The following QRFP variants were observed in gnomAD, a reference collection of about 807,000 sequenced individuals.
The protein encoded by QRFP is pyroglutamylated RFamide peptide.
In QRFP, 7 loss-of-function variants were observed where a neutral mutation model predicts 9.1. The observed-to-expected ratio is 0.77, with a 90% CI of 0.44 to 1.45. The LOEUF is 1.45. Ranked by LOEUF, QRFP falls within the 40% of genes most tolerant of loss-of-function variation. The pLI is 0.01. For synonymous variants in QRFP, 91 were observed against 80.2 expected (o/e 1.13, Z -0.72); for missense variants, 204 against 185.4 (o/e 1.10, Z -0.58).
At chr9:130,894,241 G>T (rs1831727813) in intron 2 of QRFP, among the ~76,000 whole-genome samples, 1 of 152,238 alleles carries the variant, frequency 6.6e-6, no homozygotes. Flanking sequence ...TGTTCAACTG[G>T]ATAATAAATG....
At chr9:130,896,344 T>C (rs1283524695) in intron 1 of QRFP, among the ~76,000 whole-genome samples, 1 of 152,224 alleles carries the variant, frequency 6.6e-6, no homozygotes, top group Non-Finnish European at 1.5e-5. Context: ...GTGGAGCATT[T>C]GCCTGTGGCC....
rs568752197 is a variant in QRFP at position 130,893,374 on chromosome 9, G to A, written c.*54C>T. 2 of 1,506,122 alleles carry A rather than the reference G, an allele frequency of 1.3e-6. No homozygotes were observed. Among genetic ancestry groups the A allele is most frequent in the East Asian group, 4.6e-5 (2 of 43,676 alleles). 93.3% of individuals were successfully genotyped at this position (1,506,122 alleles called of 1,614,324 possible). A position where few individuals can be genotyped will look rare whatever the true frequency, so the allele number is the denominator to read the frequency against. On this transcript the variant is annotated 3_prime_UTR_variant, in exon 3 of 3. Transcript: ENST00000623824. ...TGAGACTGGGGGAGAAGGCAGGAGT[G>A]AAGACAATGGGGGTGAGTCCAAGAA...
In QRFP at chr9:130,893,529, C is replaced by T. The variant is rs559970519; in HGVS notation, c.310G>A (p.Ala104Thr). The change falls in exon 3 of 3, where the codon GCG becomes ACG. Residue 104 changes from alanine to threonine, a missense_variant. By Grantham distance (58) the Ala-to-Thr change is moderately conservative. Transcript: ENST00000623824. ...GSEATGFLPA[A>T]GEKTSGPLGN... The stretch of plus-strand genomic sequence containing the variant: ...AACGGGCCGCTGGTCTTCTCCCCCG[C>T]AGCAGGGAGGAAGCCGGTGGCCTCA... 26 of 1,612,674 alleles carry T rather than the reference C, an allele frequency of 1.6e-5. No homozygotes were observed. Among genetic ancestry groups the T allele is most frequent in the South Asian group, 1.5e-4 (14 of 91,028 alleles).
At chr9:130,894,043 C>T (rs1564328441) in intron 2 of QRFP, among the ~76,000 whole-genome samples, 1 of 152,240 alleles carries the variant, frequency 6.6e-6, no homozygotes, top group Non-Finnish European at 1.5e-5. Context: ...GGTTCTTCTC[C>T]TGCAGTCCCC....
chr9:130,894,901 G>A (rs1365508765), intron 2 of QRFP, among the ~76,000 whole-genome samples: 1 of 152,174 alleles, frequency 6.6e-6, no homozygotes, highest in East Asian at 1.9e-4. Context: ...CCGCGGGGGA[G>A]CTGGAGCTGG....
At chr9:130,893,958 C>T (rs918011659) in intron 2 of QRFP, 120 bp from the exon 3 acceptor site, 1 of 942,780 alleles carries the variant, frequency 1.1e-6, no homozygotes, top group Admixed American at 3.2e-5. Flanking sequence ...TCAGCTGAGC[C>T]CGGCTTCCGA....
rs1398968382 is a variant in QRFP at position 130,893,854 on chromosome 9, G to A, written c.1-16C>T. On this transcript the variant is annotated splice_polypyrimidine_tract_variant and intron_variant, in intron 2 of 2. Transcript: ENST00000623824. ...GCCTTACCATCTGACCCAGAGGAAA[G>A]AGAGGCAGAGTGACAGGCTGCACAC... is the stretch of plus-strand genomic sequence containing the variant. 2.9e-5 allele frequency: 43 copies of A among 1,498,918 alleles called. No individual in the cohort carries two copies. Among genetic ancestry groups the A allele is most frequent in the Non-Finnish European group, 3.6e-5 (40 of 1,124,544 alleles). The allele number at this position is 1,498,918 out of a possible 1,614,324, so 92.9% of individuals were successfully genotyped here. A position where few individuals can be genotyped will look rare whatever the true frequency, so the allele number is the denominator to read the frequency against.
intron 2 of QRFP, among the ~76,000 whole-genome samples, chr9:130,894,929 C>T (rs913163194): frequency 6.6e-6 from 1 of 152,144 alleles, no homozygotes; most frequent in African/African-American, 2.4e-5. Flanking sequence ...TCCGCAGAGT[C>T]AAACTGAGGC....
chr9:130,895,614 GC>G lies in QRFP; in HGVS notation c.-1+82del, dbSNP rs1831746471. On this transcript the variant is annotated intron_variant, in intron 2 of 2. Coordinates refer to ENST00000623824, the MANE Select transcript of QRFP (RefSeq NM_198180.3). ...GCACTCCCTCCCTGTGCTTCTGTGT[GC>G]CCTCTGACTGCCCATGCCTGGCTCC... 2.6e-5 allele frequency: 4 copies of G among 152,932 alleles called. No homozygotes were observed. In the South Asian group the frequency reaches 6.2e-4, roughly 24 times the overall value. 9.5% of individuals were successfully genotyped at this position (152,932 alleles called of 1,614,324 possible).
rs758315713 is a variant in QRFP, at chr9:130,893,858, G to A, written c.1-20C>T. The A allele has an allele frequency of 4.0e-6, 6 of 1,497,020 alleles. No homozygotes were observed. The highest frequency in any genetic ancestry group is 8.9e-7 in the Non-Finnish European group (1 of 1,123,602). The allele number at this position is 1,497,020 out of a possible 1,614,324, so 92.7% of individuals were successfully genotyped here. On this transcript the variant is annotated intron_variant, in intron 2 of 2. Coordinates refer to ENST00000623824, the MANE Select transcript of QRFP (RefSeq NM_198180.3). ...TACCATCTGACCCAGAGGAAAGAGAGGCAGAGTGACAGGCTGCACACGTGG... is the reference window on the plus strand; with the variant it reads ...TACCATCTGACCCAGAGGAAAGAGAAGCAGAGTGACAGGCTGCACACGTGG...
intron 2 of QRFP, 50 bp from the exon 3 acceptor site, chr9:130,893,888 G>A: frequency 6.8e-7 from 1 of 1,471,840 alleles, no homozygotes; most frequent in African/African-American, 1.4e-5. Flanking sequence ...ACGTGGCCAA[G>A]CGCAACTCAC....
intron 1 of QRFP, among the ~76,000 whole-genome samples, 176 bp downstream of exon 1, chr9:130,896,401 G>A (rs901910980): frequency 1.3e-5 from 2 of 152,146 alleles, no homozygotes; most frequent in African/African-American, 2.4e-5. Context: ...TACTGTCACC[G>A]AGGGTCACCT....
intron 2 of QRFP, among the ~76,000 whole-genome samples, chr9:130,894,800 C>T (rs941143471): frequency 2.6e-5 from 4 of 152,124 alleles, no homozygotes; most frequent in African/African-American, 7.2e-5. Flanking sequence ...CCACATGGCA[C>T]TCGGGGGATC....
intron 2 of QRFP, among the ~76,000 whole-genome samples, chr9:130,894,705 C>G (rs778165531): frequency 1.3e-5 from 2 of 152,128 alleles, no homozygotes; most frequent in African/African-American, 4.8e-5. Flanking sequence ...ATCTCATGGC[C>G]TTATCAGTGC....
At chr9:130,894,177 C>T (rs1332237898) in intron 2 of QRFP, among the ~76,000 whole-genome samples, 1 of 152,172 alleles carries the variant, frequency 6.6e-6, no homozygotes, top group Non-Finnish European at 1.5e-5. Flanking sequence ...TATAAAATGG[C>T]CATATCATTG....
intron 2 of QRFP, among the ~76,000 whole-genome samples, chr9:130,895,105 C>T (rs1235834207): frequency 6.6e-6 from 1 of 152,198 alleles, no homozygotes; most frequent in Admixed American, 6.5e-5. Flanking sequence ...TTCTTCTAAG[C>T]TTTCGTCCCC....
chr9:130,895,551 G>C (rs551627726), intron 2 of QRFP, 146 bp downstream of exon 2: 1 of 152,470 alleles, frequency 6.6e-6, no homozygotes, highest in Non-Finnish European at 1.5e-5. Context: ...TGCTGCTCTG[G>C]GCTGTTGGCA....
Position 130,893,071 on chromosome 9 carries a change from T to C in QRFP, c.*357A>G, listed in dbSNP as rs879520777. ...ACTGTCACAACTTTGATTACCCAACTGTAAGCACTCAGCCCGCTGCCTCGC... is the reference window on the plus strand; with the variant it reads ...ACTGTCACAACTTTGATTACCCAACCGTAAGCACTCAGCCCGCTGCCTCGC... On this transcript the variant is annotated 3_prime_UTR_variant, in exon 3 of 3. Transcript: ENST00000623824. 5 of 197,314 alleles carry C rather than the reference T, an allele frequency of 2.5e-5. No homozygotes were observed. The highest frequency in any genetic ancestry group is 5.1e-5 in the Non-Finnish European group (5 of 98,522). 12.2% of individuals were successfully genotyped at this position (197,314 alleles called of 1,614,324 possible). A position where few individuals can be genotyped will look rare whatever the true frequency, so the allele number is the denominator to read the frequency against.
At chr9:130,895,153 C>A (rs1423344961) in intron 2 of QRFP, among the ~76,000 whole-genome samples, 1 of 152,216 alleles carries the variant, frequency 6.6e-6, no homozygotes, top group African/African-American at 2.4e-5. Flanking sequence ...GCCAGGAAAA[C>A]CTTTCCATCA....
Sources: gnomAD v4.1 joint callset for allele counts (sites outside exome capture counted in the v4.1 genomes callset) on GRCh38, gnomAD v4.1.1 for gene constraint, MANE v1.5 for transcripts, NCBI Gene and HGNC (gene_info 2026-07-23, HGNC 2026-07-21) for gene names.